UBE2K: variants seen among roughly 807,000 people sequenced by gnomAD.
The protein encoded by UBE2K is ubiquitin-conjugating enzyme E2 K.
Under a neutral mutation model 30.0 loss-of-function variants are expected in UBE2K, and 6 were observed. That is an observed-to-expected ratio of 0.20 (90% CI 0.11 to 0.39). The LOEUF (loss-of-function observed/expected upper bound fraction) is 0.39, where lower values mean the gene tolerates loss of function less well. UBE2K is among the 10% of genes least tolerant of loss of function. UBE2K has a pLI of 1.00. For missense variants in UBE2K, 61 were observed against 241.6 expected, an observed-to-expected ratio of 0.25 and a Z score of 4.96; for synonymous variants, 86 against 83.7, an observed-to-expected ratio of 1.03 and a Z score of -0.15.
chr4:39,756,293 G>A (rs1721513124), intron 4 of UBE2K, among the ~76,000 whole-genome samples: 1 of 152,164 alleles, frequency 6.6e-6, no homozygotes, highest in Non-Finnish European at 1.5e-5. Flanking sequence ...TCACATCTTG[G>A]CTCTCCAGTT....
At chr4:39,739,971 C>T (rs910077791) in intron 2 of UBE2K, among the ~76,000 whole-genome samples, 2 of 152,032 alleles carry the variant, frequency 1.3e-5, no homozygotes, top group Non-Finnish European at 2.9e-5. Flanking sequence ...ATTTTTTATG[C>T]TGTTTATCGA....
chr4:39,733,796 A>G (rs1160421374), intron 1 of UBE2K, among the ~76,000 whole-genome samples: 1 of 152,220 alleles, frequency 6.6e-6, no homozygotes, highest in African/African-American at 2.4e-5. Context: ...AAGCGACAGA[A>G]CTAGGATTCA....
chr4:39,742,078 T>C (rs1296910059), intron 2 of UBE2K, among the ~76,000 whole-genome samples: 1 of 152,118 alleles, frequency 6.6e-6, no homozygotes, highest in Admixed American at 6.5e-5. Context: ...GCATTATTTA[T>C]ATAATATCTG....
At chr4:39,731,518 A>G (rs1720073518) in intron 1 of UBE2K, among the ~76,000 whole-genome samples, 1 of 152,038 alleles carries the variant, frequency 6.6e-6, no homozygotes, top group African/African-American at 2.4e-5. Flanking sequence ...TGTCTCTAGT[A>G]CAAATACAAA....
intron 1 of UBE2K, among the ~76,000 whole-genome samples, chr4:39,706,627 G>A (rs186852174): frequency 0.02 from 2,934 of 150,190 alleles, 69 homozygotes; most frequent in Admixed American, 0.047. Context: ...GCGCCCCACC[G>A]CCCAGCCAAT....
chr4:39,760,292 A>G (rs916647114), intron 4 of UBE2K, among the ~76,000 whole-genome samples: 1 of 151,772 alleles, frequency 6.6e-6, no homozygotes, highest in Non-Finnish European at 1.5e-5. Context: ...TATCAGCTTC[A>G]TTCCTAGGTA....
chr4:39,751,361 A>T (rs1392326404), intron 3 of UBE2K, among the ~76,000 whole-genome samples: 2 of 152,120 alleles, frequency 1.3e-5, no homozygotes, highest in Admixed American at 1.3e-4. Context: ...TGTATAGAAG[A>T]CCCTTCTTTA....
chr4:39,704,749 C>T (rs1398616583), intron 1 of UBE2K, among the ~76,000 whole-genome samples: 1 of 151,950 alleles, frequency 6.6e-6, no homozygotes, highest in Admixed American at 6.6e-5. Flanking sequence ...ACCATGTTGC[C>T]CAGGCTGGTC....
At chr4:39,715,212 G>A (rs373932449) in intron 1 of UBE2K, among the ~76,000 whole-genome samples, 2 of 151,410 alleles carry the variant, frequency 1.3e-5, no homozygotes, top group African/African-American at 4.9e-5. Flanking sequence ...GTATTTTTTA[G>A]TAGAGATGGG....
Position 39,757,018 on chromosome 4 carries a change from G to GTTT in UBE2K, c.299+1283_299+1285dup, listed in dbSNP as rs1227834116. Among the ~76,000 whole-genome samples the GTTT allele has an allele frequency of 2.4e-4, 17 of 72,088 alleles. 2 individuals are homozygous for GTTT. The highest frequency in any genetic ancestry group is 1.1e-3 in the Admixed American group (6 of 5,504). The allele number at this position is 72,088 out of a possible 152,430, so 47.3% of individuals were successfully genotyped here. On this transcript the variant is annotated intron_variant, in intron 4 of 6. Coordinates refer to ENST00000261427, the MANE Select transcript of UBE2K (RefSeq NM_005339.5). ...TTTGGGTGTTTTTTTTTTGTTTTTT[G>GTTT]TTTTTTGTTTTTTGTTTTTTTTTTG...
chr4:39,714,568 G>T (rs1238627204), intron 1 of UBE2K: 9 of 9,828 alleles, frequency 9.2e-4, no homozygotes, highest in East Asian at 0.011. Context: ...TTTTTTTTAA[G>T]ACTGAGTCTC....
intron 4 of UBE2K, among the ~76,000 whole-genome samples, chr4:39,768,709 A>G (rs1056121991): frequency 1.3e-5 from 2 of 152,234 alleles, no homozygotes; most frequent in Admixed American, 1.3e-4. Flanking sequence ...AGGAAACTCC[A>G]TACTGTTTTT....
chr4:39,718,972 G>T (rs1199150668), intron 1 of UBE2K, among the ~76,000 whole-genome samples: 1 of 152,240 alleles, frequency 6.6e-6, no homozygotes, highest in African/African-American at 2.4e-5. Flanking sequence ...TGGGCTGAAG[G>T]GCTCCTCAAG....
In UBE2K at chr4:39,773,669, C is replaced by A. The variant is rs542209213; in HGVS notation, c.300-1165C>A. ...GGGCGCGGTGGCTCACGCCTGTAAT[C>A]CCAGCACTTTGGGAGGCCGAGGCGG... is the stretch of plus-strand genomic sequence containing the variant. On this transcript the variant is annotated intron_variant, in intron 4 of 6. Coordinates refer to ENST00000261427, the MANE Select transcript of UBE2K (RefSeq NM_005339.5). Among the ~76,000 whole-genome samples the A allele has an allele frequency of 2.6e-4, 39 of 152,194 alleles. No individual in the cohort carries two copies. In the South Asian group the frequency reaches 7.9e-3, roughly 31 times the overall value.
chr4:39,734,105 A>ATTTTT (rs11417002), intron 1 of UBE2K, among the ~76,000 whole-genome samples: 7 of 136,278 alleles, frequency 5.1e-5, no homozygotes, highest in Admixed American at 7.6e-5. Context: ...GCCCTCTAGA[A>ATTTTT]TTTTTTTTTT....
At position 39,770,370 on chromosome 4, in the gene UBE2K, C is replaced by T. The variant is rs534506286; in HGVS notation, c.300-4464C>T. ...GTTGCTGTGGTTGAACTCCTTGCCA[C>T]AGCGAGGGCACATGAAGATGAAGTG... On this transcript the variant is annotated intron_variant, in intron 4 of 6. Transcript: ENST00000261427. 8 of 1,613,460 alleles carry T rather than the reference C, an allele frequency of 5.0e-6. No homozygotes were observed. The East Asian group carries it at 1.6e-4, about 31-fold the overall frequency.
At chr4:39,711,055 A>C (rs1718640451) in intron 1 of UBE2K, among the ~76,000 whole-genome samples, 1 of 145,784 alleles carries the variant, frequency 6.9e-6, no homozygotes, top group South Asian at 2.2e-4. Flanking sequence ...TACTGTTAAT[A>C]TCTCCTGAAT....
intron 1 of UBE2K, among the ~76,000 whole-genome samples, chr4:39,734,345 G>A (rs924424932): frequency 1.3e-5 from 2 of 151,914 alleles, no homozygotes; most frequent in African/African-American, 4.8e-5. Context: ...AAACTGTTGG[G>A]ATTACAGGCA....
chr4:39,742,317 C>T (rs28479189), intron 2 of UBE2K, among the ~76,000 whole-genome samples: 1 of 151,854 alleles, frequency 6.6e-6, no homozygotes, highest in African/African-American at 2.4e-5. Flanking sequence ...TCTTCAGGTA[C>T]CCTTCTCTTA....
Sources: gnomAD v4.1 joint callset for allele counts (sites outside exome capture counted in the v4.1 genomes callset) on GRCh38, gnomAD v4.1.1 for gene constraint, MANE v1.5 for transcripts, NCBI Gene and HGNC (gene_info 2026-07-23, HGNC 2026-07-21) for gene names.